ITIH2: variants seen among roughly 807,000 people sequenced by gnomAD.
ITIH2 encodes the protein inter-alpha-trypsin inhibitor heavy chain H2.
In ITIH2, 103 loss-of-function variants were observed where a neutral mutation model predicts 104.4. That is an observed-to-expected ratio of 0.99 (90% CI 0.84 to 1.16). The LOEUF is 1.16. Ranked by LOEUF, ITIH2 falls within the 50% of genes most tolerant of loss-of-function variation. ITIH2 has a pLI of 0.00. For synonymous variants in ITIH2, 436 were observed against 435.4 expected (o/e 1.00, Z -0.02); for missense variants, 1,108 against 1,162.4 (o/e 0.95, Z 0.68).
At chr10:7,746,773 G>A in intron 20 of ITIH2, 69 bp downstream of exon 20, 1 of 917,508 alleles carries the variant, frequency 1.1e-6, no homozygotes, top group Non-Finnish European at 1.8e-6. Flanking sequence ...CAGCAAAATA[G>A]AGGAGCAAAG....
At chr10:7,732,186 T>A (rs1192784010) in intron 13 of ITIH2, 152 bp from the exon 14 acceptor site, 1 of 987,828 alleles carries the variant, frequency 1.0e-6, no homozygotes, top group East Asian at 2.5e-5. Flanking sequence ...CCAAGCCCAA[T>A]CCCAAGCACA....
intron 6 of ITIH2, among the ~76,000 whole-genome samples, chr10:7,719,336 G>T (rs1050990499): frequency 6.6e-6 from 1 of 152,150 alleles, no homozygotes; most frequent in Non-Finnish European, 1.5e-5. Context: ...CGCCATCCAG[G>T]GCACGTGACT....
At chr10:7,732,231 C>T in intron 13 of ITIH2, 107 bp from the exon 14 acceptor site, 1 of 1,306,820 alleles carries the variant, frequency 7.7e-7, no homozygotes, top group Non-Finnish European at 1.1e-6. Flanking sequence ...GCTTTGCCTT[C>T]CATTTCTTTT....
chr10:7,706,289 C>T (rs1459713160), intron 2 of ITIH2, among the ~76,000 whole-genome samples: 2 of 152,152 alleles, frequency 1.3e-5, no homozygotes, highest in Non-Finnish European at 2.9e-5. Context: ...CAGTTCACCC[C>T]GAATCAGGCA....
chr10:7,718,760 G>T (rs1297602905), intron 6 of ITIH2, among the ~76,000 whole-genome samples: 1 of 152,078 alleles, frequency 6.6e-6, no homozygotes, highest in Non-Finnish European at 1.5e-5. Flanking sequence ...CTCCTGCTTA[G>T]AAGTGAGAAT....
intron 16 of ITIH2, among the ~76,000 whole-genome samples, chr10:7,740,321 A>G (rs1006434772): frequency 2.6e-5 from 4 of 152,186 alleles, no homozygotes; most frequent in African/African-American, 9.6e-5. Context: ...AGCACTTTGT[A>G]CAACACTCCC....
In ITIH2 at chr10:7,749,463, T is replaced by C; in HGVS notation, c.*129T>C. The C allele has an allele frequency of 1.3e-6, 1 of 742,816 alleles. No individual in the cohort carries two copies. Among genetic ancestry groups the C allele is most frequent in the Non-Finnish European group, 2.1e-6 (1 of 465,768 alleles). 46.0% of individuals were successfully genotyped at this position (742,816 alleles called of 1,614,324 possible). On this transcript the variant is annotated 3_prime_UTR_variant, in exon 21 of 21. Transcript: ENST00000358415. Reference sequence around the variant, plus strand: ...GTGGTTAATTAAAATGAACCAGATATCAGGGTGGTTTATAAAGCCTGTAAA... The same window carrying C: ...GTGGTTAATTAAAATGAACCAGATACCAGGGTGGTTTATAAAGCCTGTAAA...
intron 19 of ITIH2, among the ~76,000 whole-genome samples, chr10:7,745,886 C>T (rs1392557306): frequency 6.6e-6 from 1 of 151,136 alleles, no homozygotes; most frequent in African/African-American, 2.4e-5. Flanking sequence ...TCCCGAGTAG[C>T]TGGGATTACA....
At chr10:7,723,948 T>C (rs1009809669) in intron 9 of ITIH2, among the ~76,000 whole-genome samples, 1 of 152,198 alleles carries the variant, frequency 6.6e-6, no homozygotes, top group Non-Finnish European at 1.5e-5. Context: ...TTCTTTTTGC[T>C]CTTCCACATG....
intron 8 of ITIH2, among the ~76,000 whole-genome samples, chr10:7,722,826 C>T (rs1005827483): frequency 1.3e-5 from 2 of 152,252 alleles, no homozygotes; most frequent in African/African-American, 4.8e-5. Flanking sequence ...ACACACCGCG[C>T]TGCACATTGC....
intron 19 of ITIH2, 89 bp downstream of exon 19, chr10:7,745,052 G>A (rs2130967205): frequency 8.5e-7 from 1 of 1,169,866 alleles, no homozygotes; most frequent in Admixed American, 1.8e-5. Flanking sequence ...TTGAGGACAT[G>A]GCAGGTGTGG....
At chr10:7,719,286 G>A (rs1477530011) in intron 6 of ITIH2, among the ~76,000 whole-genome samples, 2 of 152,324 alleles carry the variant, frequency 1.3e-5, no homozygotes, top group Middle Eastern at 3.4e-3. Flanking sequence ...GTGCTTTTGC[G>A]TGAATTGAAA....
Position 7,735,672 on chromosome 10 carries a change from TTC to T in ITIH2, c.1957+583_1957+584del, listed in dbSNP as rs1324094923. ...TCTTTTTCTTTTCTTTTCTTTTCTTTTCTTTTTTTTTTTTTTTTGAGACAGAG... is the reference window on the plus strand; with the variant it reads ...TCTTTTTCTTTTCTTTTCTTTTCTTTTTTTTTTTTTTTTTTTGAGACAGAG... On this transcript the variant is annotated intron_variant, in intron 15 of 20. Coordinates refer to ENST00000358415, the MANE Select transcript of ITIH2 (RefSeq NM_002216.3). 7.0e-3 allele frequency among the ~76,000 whole-genome samples: 1,001 copies of T among 143,308 alleles called. 10 individuals are homozygous for T. The highest frequency in any genetic ancestry group is 0.026 in the African/African-American group (967 of 36,986). 94.0% of individuals were successfully genotyped at this position (143,308 alleles called of 152,430 possible). A position where few individuals can be genotyped will look rare whatever the true frequency, so the allele number is the denominator to read the frequency against.
intron 9 of ITIH2, among the ~76,000 whole-genome samples, chr10:7,724,013 A>G (rs970190604): frequency 3.9e-5 from 6 of 152,220 alleles, no homozygotes; most frequent in African/African-American, 1.4e-4. Flanking sequence ...CAATATATAC[A>G]TATTATTTCT....
intron 19 of ITIH2, among the ~76,000 whole-genome samples, chr10:7,745,425 T>A (rs557219908): frequency 6.6e-6 from 1 of 152,182 alleles, no homozygotes; most frequent in South Asian, 2.1e-4. Flanking sequence ...GGTGCTCGAT[T>A]TACTTACAAT....
chr10:7,717,821 C>T lies in ITIH2; in HGVS notation c.630+33C>T, dbSNP rs746274052. ...TGGATCTGTAGGGTGGGCAGTGACA[C>T]TGTCCTTTTATAGTCTCTGACCCTG... On this transcript the variant is annotated intron_variant, in intron 6 of 20. Coordinates refer to ENST00000358415, the MANE Select transcript of ITIH2 (RefSeq NM_002216.3). The T allele has an allele frequency of 8.2e-6, 13 of 1,589,804 alleles. No homozygotes were observed. The East Asian group carries it at 1.8e-4, about 22-fold the overall frequency.
rs956882648 is a variant in ITIH2 at position 7,708,898 on chromosome 10, C to T, written c.193-124C>T. On this transcript the variant is annotated intron_variant, in intron 3 of 20. Coordinates refer to ENST00000358415, the MANE Select transcript of ITIH2 (RefSeq NM_002216.3). ...TACATGAATTCTGTCCTTACCAAGG[C>T]CCTGGAATTGTTCTGCTAGTAAAAC... The T allele has an allele frequency of 1.3e-4, 104 of 809,512 alleles. No individual in the cohort carries two copies. In the African/African-American group the frequency reaches 1.4e-3, roughly 11 times the overall value. The allele number at this position is 809,512 out of a possible 1,614,324, so 50.1% of individuals were successfully genotyped here.
intron 7 of ITIH2, 79 bp downstream of exon 7, chr10:7,721,042 G>A (rs1418484751): frequency 2.2e-6 from 2 of 921,418 alleles, no homozygotes; most frequent in East Asian, 2.4e-5. Flanking sequence ...GTGCTCTGGA[G>A]AAGAGAAAAG....
At chr10:7,732,581 G>A in intron 14 of ITIH2, 104 bp downstream of exon 14, 1 of 1,174,740 alleles carries the variant, frequency 8.5e-7, no homozygotes, top group Non-Finnish European at 1.2e-6. Flanking sequence ...AAGAAAGACA[G>A]CACATTAGCA....
Sources: allele counts gnomAD v4.1 joint callset (sites outside exome capture counted in the v4.1 genomes callset), GRCh38; gene constraint gnomAD v4.1.1; transcripts MANE v1.5; gene names NCBI Gene and HGNC (gene_info 2026-07-23, HGNC 2026-07-21).